Variants in ZNF469 observed in about 807,000 individuals in gnomAD.
ZNF469 encodes the protein zinc finger protein 469.
A neutral mutation model predicts 1.0 loss-of-function variants in ZNF469; 1 was observed. That is an observed-to-expected ratio of 1.00 (90% CI 0.35 to 4.73). ZNF469 has a LOEUF of 4.73. Among genes scored for constraint, ZNF469 ranks in the 30% most tolerant of loss-of-function variants. The pLI is 0.16. For missense variants in ZNF469, 6,100 were observed against 5,356.3 expected (o/e 1.14, Z -4.33); for synonymous variants, 2,703 against 2,363.4 (o/e 1.14, Z -4.17).
At chr16:88,229,742 A>T in the ZNF469 span, among the ~76,000 whole-genome samples, 5 of 151,970 alleles carry the variant, frequency 3.3e-5, no homozygotes, top group African/African-American at 1.2e-4. Context: ...GTCATGCAGG[A>T]CCGCAGCTCC....
chr16:88,359,730 G>C, the ZNF469 span, among the ~76,000 whole-genome samples: 1 of 152,108 alleles, frequency 6.6e-6, no homozygotes, highest in African/African-American at 2.4e-5. Context: ...TTACTCTGGG[G>C]CTTACATTAT....
At chr16:88,359,723 C>T in the ZNF469 span, among the ~76,000 whole-genome samples, 1 of 152,174 alleles carries the variant, frequency 6.6e-6, no homozygotes, top group South Asian at 2.1e-4. Flanking sequence ...TATTCTTTTA[C>T]TCTGGGGCTT....
the ZNF469 span, among the ~76,000 whole-genome samples, chr16:88,323,558 AATGGTCCC>A: frequency 6.6e-6 from 1 of 152,066 alleles, no homozygotes; most frequent in Non-Finnish European, 1.5e-5. Context: ...CACTATTGGA[AATGGTCCC>A]AAGAGCCTCA....
At chr16:88,228,062 G>A in the ZNF469 span, among the ~76,000 whole-genome samples, 5 of 152,350 alleles carry the variant, frequency 3.3e-5, no homozygotes, top group Admixed American at 6.5e-5. Context: ...GACACCCACC[G>A]TTGCATTTAG....
rs374106998 is a variant in ZNF469, at chr16:88,398,421, G to A, written c.-192+15167G>A. Among the ~76,000 whole-genome samples, 12 of 150,972 alleles carry A rather than the reference G, an allele frequency of 7.9e-5. No homozygotes were observed. The East Asian group carries it at 1.8e-3, about 22-fold the overall frequency. On this transcript the variant is annotated intron_variant, in intron 1 of 2. Transcript: ENST00000565624. ...ATGTGAGCCACAGATGAAGGGACAT[G>A]TGGGCCACGGATGAAGGGACATGTG...
rs1906114994 is a variant in ZNF469, at chr16:88,430,832, G to C, written c.3362G>C (p.Arg1121Thr). The stretch of plus-strand genomic sequence containing the variant: ...GGCCGGCGGGGCCGAGGCGAGAAGA[G>C]GAAGGAAGTGGAGCTGACCCAGGGT... ...FRGRRGRGEKRKEVELTQGPR... is the reference protein window; with the variant it reads ...FRGRRGRGEKTKEVELTQGPR... The change falls in exon 3 of 3, where the codon AGG (arginine) becomes ACG (threonine). Residue 1121 changes from arginine (R) to threonine (T), a missense_variant. By Grantham distance (71) the Arg-to-Thr change is moderately conservative. Coordinates refer to ENST00000565624, the MANE Select transcript of ZNF469 (RefSeq NM_001367624.2). The C allele has an allele frequency of 6.5e-7, 1 of 1,535,056 alleles. No homozygotes were observed. The highest frequency in any genetic ancestry group is 1.4e-5 in the African/African-American group (1 of 72,972).
rs1414622417 is a variant in ZNF469, at chr16:88,430,575, C to T, written c.3105C>T (p.Asp1035=). ...SRRRRLPPRK[D]PRKRKARGGA... ...GCCGCCGGCTGCCCCCCAGGAAGGA[C>T]CCCAGGAAGAGGAAGGCTCGGGGCG... The change falls in exon 3 of 3, where the codon GAC becomes GAT. Residue 1035 remains aspartate, a synonymous_variant. Coordinates refer to ENST00000565624, the MANE Select transcript of ZNF469 (RefSeq NM_001367624.2). The T allele has an allele frequency of 2.0e-6, 3 of 1,497,564 alleles. No individual in the cohort carries two copies. The highest frequency in any genetic ancestry group is 2.7e-5 in the East Asian group (1 of 36,590). 92.8% of individuals were successfully genotyped at this position (1,497,564 alleles called of 1,614,324 possible).
At chr16:88,296,139 G>T in the ZNF469 span, among the ~76,000 whole-genome samples, 1 of 152,144 alleles carries the variant, frequency 6.6e-6, no homozygotes, top group Non-Finnish European at 1.5e-5. Flanking sequence ...GAATTTCCCC[G>T]AGAGTGGCCC....
rs368084931 is a variant in ZNF469 at position 88,406,639 on chromosome 16, G to T, written c.-191-18168G>T. On this transcript the variant is annotated intron_variant, in intron 1 of 2. Transcript: ENST00000565624. ...AGGAGAGGGGCAGCTGACCCCACGC[G>T]CCTGCAGCCCCTGCCTCCGAGGGCC... Among the ~76,000 whole-genome samples, 269 of 152,340 alleles carry T rather than the reference G, an allele frequency of 1.8e-3. 1 individual carries two copies. The highest frequency in any genetic ancestry group is 3.2e-3 in the Non-Finnish European group (221 of 68,022).
chr16:88,176,229 A>G, the ZNF469 span, among the ~76,000 whole-genome samples: 4 of 150,164 alleles, frequency 2.7e-5, no homozygotes, highest in Admixed American at 6.6e-5. Flanking sequence ...CACAAGTTCC[A>G]GCCTTCTGTC....
chr16:88,136,885 C>T, the ZNF469 span, among the ~76,000 whole-genome samples: 1 of 152,226 alleles, frequency 6.6e-6, no homozygotes, highest in Non-Finnish European at 1.5e-5. Context: ...AGCCTGGCCA[C>T]TGGGAGGGGA....
the ZNF469 span, among the ~76,000 whole-genome samples, chr16:88,280,178 C>A: frequency 6.6e-6 from 1 of 151,144 alleles, no homozygotes; most frequent in African/African-American, 2.4e-5. Flanking sequence ...TGCTGCACCA[C>A]GCTGACGCTT....
chr16:88,409,133 G>T (rs1905082206), intron 1 of ZNF469, among the ~76,000 whole-genome samples: 1 of 152,228 alleles, frequency 6.6e-6, no homozygotes, highest in African/African-American at 2.4e-5. Context: ...GACCCCGGGA[G>T]TGCGGCCTGG....
In ZNF469 at chr16:88,431,926, G is replaced by C. The variant is rs373777402; in HGVS notation, c.4456G>C (p.Asp1486His). The change falls in exon 3 of 3, where the codon GAC (aspartate) becomes CAC (histidine). Residue 1486 changes from aspartate to histidine, a missense_variant. Transcript: ENST00000565624. The stretch of plus-strand genomic sequence containing the variant: ...CTCCGGTCTGCCGTTCGCATGTGCC[G>C]ACCCTCCCCAGAAGACGGTGCCGTC... The part of the protein sequence containing the change: ...RDSGLPFACA[D>H]PPQKTVPSDP... The C allele has an allele frequency of 3.2e-6, 5 of 1,549,412 alleles. No homozygotes were observed. Among genetic ancestry groups the C allele is most frequent in the Non-Finnish European group, 3.5e-6 (4 of 1,146,924 alleles).
the ZNF469 span, among the ~76,000 whole-genome samples, chr16:88,166,353 T>C: frequency 1.3e-5 from 2 of 152,196 alleles, no homozygotes; most frequent in Non-Finnish European, 2.9e-5. The surrounding 1 kb of genome is among the most constrained non-coding windows in gnomAD (Gnocchi z 4.5). Context: ...GACGCAAGCA[T>C]GATTCACTCT....
Position 88,384,322 on chromosome 16 carries a change from G to C in ZNF469, c.-192+1068G>C, listed in dbSNP as rs139246485. Among the ~76,000 whole-genome samples the C allele has an allele frequency of 2.0e-5, 3 of 152,350 alleles. No homozygotes were observed. The East Asian group carries it at 5.8e-4, about 29-fold the overall frequency. On this transcript the variant is annotated intron_variant, in intron 1 of 2. Transcript: ENST00000565624. ...TTCTGCCGGTCGGGTGGACAAAGGTGTCTTGAGGCCCTCTCAGTGCCCAGC... is the reference window on the plus strand; with the variant it reads ...TTCTGCCGGTCGGGTGGACAAAGGTCTCTTGAGGCCCTCTCAGTGCCCAGC...
chr16:88,429,780 C>T lies in ZNF469; in HGVS notation c.2310C>T (p.Pro770=). 6.5e-7 allele frequency: 1 copy of T among 1,544,588 alleles called. No homozygotes were observed. Among genetic ancestry groups the T allele is most frequent in the Non-Finnish European group, 8.7e-7 (1 of 1,144,528 alleles). The change falls in exon 3 of 3, where the codon CCC becomes CCT. Residue 770 remains proline (P), a synonymous_variant. Coordinates refer to ENST00000565624, the MANE Select transcript of ZNF469 (RefSeq NM_001367624.2). ...AKDGHQRSPG[P]PGLPSPPAAP... Reference sequence around the variant, plus strand: ...ATGGCCACCAGCGGTCTCCAGGCCCCCCTGGGCTCCCCTCGCCCCCCGCTG... The same window carrying T: ...ATGGCCACCAGCGGTCTCCAGGCCCTCCTGGGCTCCCCTCGCCCCCCGCTG...
the ZNF469 span, among the ~76,000 whole-genome samples, chr16:88,203,684 C>A: frequency 6.6e-6 from 1 of 152,152 alleles, no homozygotes; most frequent in Non-Finnish European, 1.5e-5. Context: ...CATGCCACTC[C>A]AGTCCCACCT....
At chr16:88,321,070 G>C in the ZNF469 span, among the ~76,000 whole-genome samples, 1 of 152,382 alleles carries the variant, frequency 6.6e-6, no homozygotes, top group South Asian at 2.1e-4. Flanking sequence ...GCCTTCCTCA[G>C]CCAGTCGGTC....
Sources: gnomAD v4.1 joint callset for allele counts (sites outside exome capture counted in the v4.1 genomes callset) on GRCh38, gnomAD v4.1.1 for gene constraint, Gnocchi (gnomAD v3.1) non-coding constraint, MANE v1.5 for transcripts, NCBI Gene and HGNC (gene_info 2026-07-23, HGNC 2026-07-21) for gene names.